The following NRXN1 variants were observed in gnomAD, a reference collection of about 807,000 sequenced individuals.
The protein encoded by NRXN1 is neurexin-1.
In NRXN1, 39 loss-of-function variants were observed where a neutral mutation model predicts 150.9. That is an observed-to-expected ratio of 0.26 (90% CI 0.20 to 0.34). The LOEUF (loss-of-function observed/expected upper bound fraction) is 0.34, where lower values mean the gene tolerates loss of function less well. Ranked by LOEUF, NRXN1 falls within the 10% of genes least tolerant of loss-of-function variation. The pLI is 1.00. For missense variants in NRXN1, 1,815 were observed against 1,949.9 expected (o/e 0.93, Z 1.30); for synonymous variants, 924 against 757.0 (o/e 1.22, Z -3.62).
chr2:51,028,233 A>G lies in NRXN1; in HGVS notation c.41T>C (p.Leu14Pro), dbSNP rs1307554186. The change falls in exon 2 of 23, where the codon CTG becomes CCG. Residue 14 changes from leucine (L) to proline (P), a missense_variant. Around this residue, in one of 6 missense-constraint regions of NRXN1, gnomAD observed 554 missense variants for 478.8 expected, o/e 1.16. Transcript: ENST00000401669. ...GCCCAGGAGCAGCAGCGAGAGGCAC[A>G]GAAGAAAACAGCCCCCGCGCTGGAG... ...ALLQRGGCFL[L>P]CLSLLLLGCW... The G allele has an allele frequency of 4.8e-6, 7 of 1,471,392 alleles. No homozygotes were observed. The highest frequency in any genetic ancestry group is 6.3e-6 in the Non-Finnish European group (7 of 1,118,618). 91.1% of individuals were successfully genotyped at this position (1,471,392 alleles called of 1,614,324 possible).
chr2:50,982,709 G>T (rs1244205534), intron 2 of NRXN1, among the ~76,000 whole-genome samples: 1 of 152,002 alleles, frequency 6.6e-6, no homozygotes, highest in Non-Finnish European at 1.5e-5. Flanking sequence ...CAAAGATGTT[G>T]AAAATATAAA....
intron 15 of NRXN1, among the ~76,000 whole-genome samples, chr2:50,489,837 C>A (rs1364379292): frequency 6.6e-6 from 1 of 152,118 alleles, no homozygotes; most frequent in Non-Finnish European, 1.5e-5. Context: ...CACAGGGAAG[C>A]AGAGGGAAGA....
intron 18 of NRXN1, among the ~76,000 whole-genome samples, chr2:50,219,790 A>G (rs2063667726): frequency 6.7e-6 from 1 of 149,320 alleles, no homozygotes; most frequent in South Asian, 2.1e-4. Context: ...TGAGAGGCTA[A>G]GGCGAGAAGA....
At chr2:50,369,179 A>C (rs1246009275) in intron 17 of NRXN1, among the ~76,000 whole-genome samples, 1 of 151,900 alleles carries the variant, frequency 6.6e-6, no homozygotes, top group Admixed American at 6.6e-5. Context: ...TCTAGCTCAG[A>C]GAAAGAGGTG....
chr2:50,518,892 AAAGT>A (rs1216624639), intron 12 of NRXN1, among the ~76,000 whole-genome samples: 4 of 137,264 alleles, frequency 2.9e-5, no homozygotes, highest in Non-Finnish European at 3.1e-5. Flanking sequence ...ACTTTTTCCA[AAAGT>A]AAGAAGCATA....
At chr2:50,768,303 G>T (rs920281170) in intron 5 of NRXN1, among the ~76,000 whole-genome samples, 26 of 152,116 alleles carry the variant, frequency 1.7e-4, no homozygotes, top group Middle Eastern at 3.4e-3. Flanking sequence ...GTCAAACCAG[G>T]TAATAACTAA....
At chr2:50,282,623 G>C (rs2071610178) in intron 17 of NRXN1, among the ~76,000 whole-genome samples, 1 of 152,032 alleles carries the variant, frequency 6.6e-6, no homozygotes, top group African/African-American at 2.4e-5. Flanking sequence ...TTATAATTAA[G>C]TTTGACATAA....
chr2:49,974,203 A>G (rs1573153942), intron 21 of NRXN1: 2 of 700,400 alleles, frequency 2.9e-6, no homozygotes, highest in Non-Finnish European at 5.3e-6. Flanking sequence ...GACACAGAAA[A>G]CGCTCTGTCA....
intron 18 of NRXN1, among the ~76,000 whole-genome samples, chr2:50,110,523 A>ATGT (rs1015595578): frequency 4.6e-5 from 7 of 151,098 alleles, no homozygotes; most frequent in African/African-American, 1.5e-4. Context: ...GAAAGAAAGA[A>ATGT]TGTTGAGAAA....
At chr2:50,321,729 A>C (rs2076054354) in intron 17 of NRXN1, among the ~76,000 whole-genome samples, 1 of 152,144 alleles carries the variant, frequency 6.6e-6, no homozygotes, top group African/African-American at 2.4e-5. Context: ...TTCACTTTTC[A>C]TTAGATTTAA....
At chr2:50,416,041 C>T (rs2083514465) in intron 17 of NRXN1, among the ~76,000 whole-genome samples, 1 of 151,784 alleles carries the variant, frequency 6.6e-6, no homozygotes, top group South Asian at 2.1e-4. Context: ...TATGGTAGCC[C>T]TATCCTAGCC....
intron 21 of NRXN1, among the ~76,000 whole-genome samples, chr2:49,966,091 C>T (rs1676916685): frequency 6.6e-6 from 1 of 152,122 alleles, no homozygotes; most frequent in East Asian, 1.9e-4. Flanking sequence ...GCTCTTTTGG[C>T]ATCCATTGTA....
rs537986688 is a variant in NRXN1, at chr2:51,020,144, A to C, written c.772+7358T>G. Among the ~76,000 whole-genome samples, 9 of 151,920 alleles carry C rather than the reference A, an allele frequency of 5.9e-5. No individual in the cohort carries two copies. The South Asian group carries it at 1.9e-3, about 31-fold the overall frequency. The stretch of plus-strand genomic sequence containing the variant: ...TAGTTCAGTGAATCTTTACAAATGT[A>C]ACCACCACCCATATCATGCCCAATG... On this transcript the variant is annotated intron_variant, in intron 2 of 22. Coordinates refer to ENST00000401669, the MANE Select transcript of NRXN1 (RefSeq NM_001330078.2).
chr2:50,901,476 G>A (rs1430923475), intron 5 of NRXN1, among the ~76,000 whole-genome samples: 1 of 152,134 alleles, frequency 6.6e-6, no homozygotes, highest in South Asian at 2.1e-4. Flanking sequence ...GGTAGAACTT[G>A]CAGTGAGCCG....
intron 19 of NRXN1, among the ~76,000 whole-genome samples, chr2:50,084,436 G>A (rs1363226589): frequency 6.6e-6 from 1 of 152,188 alleles, no homozygotes; most frequent in Non-Finnish European, 1.5e-5. Context: ...CGCACTCTCT[G>A]CATCTGCTGG....
Position 50,347,418 on chromosome 2 carries a change from G to T in NRXN1, c.3365-110448C>A, listed in dbSNP as rs2078103341. 3.5e-6 allele frequency: 4 copies of T among 1,154,766 alleles called. No individual in the cohort carries two copies. Among genetic ancestry groups the T allele is most frequent in the Non-Finnish European group, 4.3e-6 (4 of 924,062 alleles). 71.5% of individuals were successfully genotyped at this position (1,154,766 alleles called of 1,614,324 possible). A position where few individuals can be genotyped will look rare whatever the true frequency, so the allele number is the denominator to read the frequency against. ...TAAATCCATTTAGCTTTGTGTGCGG[G>T]GACTAGGGAGGCCACTTCGCCGGCC... On this transcript the variant is annotated intron_variant, in intron 17 of 22. Transcript: ENST00000401669. The surrounding 1 kb of genome is among the most constrained non-coding windows in gnomAD (Gnocchi z 4.9).
At chr2:50,609,398 C>A (rs1237220211) in intron 8 of NRXN1, among the ~76,000 whole-genome samples, 1 of 152,106 alleles carries the variant, frequency 6.6e-6, no homozygotes, top group Admixed American at 6.6e-5. Context: ...GGTTATAAGT[C>A]CATGAGAAGG....
intron 17 of NRXN1, among the ~76,000 whole-genome samples, chr2:50,285,028 G>C (rs975238149): frequency 2.0e-5 from 3 of 152,080 alleles, no homozygotes; most frequent in African/African-American, 7.2e-5. Flanking sequence ...ATTTAAGAAA[G>C]ATTAATAAAA....
intron 5 of NRXN1, among the ~76,000 whole-genome samples, chr2:50,914,848 G>C (rs1574917155): frequency 6.6e-6 from 1 of 151,600 alleles, no homozygotes; most frequent in East Asian, 1.9e-4. Context: ...CCAACCAGTT[G>C]ATCATTAAAC....
Sources: gnomAD v4.1 joint callset for allele counts (sites outside exome capture counted in the v4.1 genomes callset) on GRCh38, gnomAD v4.1.1 for gene constraint, gnomAD v4.1.1 regional missense constraint, Gnocchi (gnomAD v3.1) non-coding constraint, MANE v1.5 for transcripts, NCBI Gene and HGNC (gene_info 2026-07-23, HGNC 2026-07-21) for gene names.